Variants in HS6ST3 observed in about 807,000 individuals in gnomAD.
The protein encoded by HS6ST3 is heparan sulfate 6-O-sulfotransferase 3, also known as heparan-sulfate 6-O-sulfotransferase 3.
A neutral mutation model predicts 36.7 loss-of-function variants in HS6ST3; 12 were observed. The ratio of observed to expected loss-of-function variants is 0.33; its 90% confidence interval spans 0.21 to 0.53. HS6ST3 has a LOEUF of 0.53. Ranked by LOEUF, HS6ST3 falls within the 20% of genes least tolerant of loss-of-function variation. The pLI, the probability that HS6ST3 is intolerant of heterozygous loss-of-function variation, is 0.95. For missense variants in HS6ST3, 584 were observed against 640.9 expected (o/e 0.91, Z 0.96); for synonymous variants, 240 against 257.5 (o/e 0.93, Z 0.65).
In HS6ST3 at chr13:96,830,357, A is replaced by G. The variant is rs73562369; in HGVS notation, c.708-2133A>G. On this transcript the variant is annotated intron_variant, in intron 1 of 1. Coordinates refer to ENST00000376705, the MANE Select transcript of HS6ST3 (RefSeq NM_153456.4). ...TCTTTAAGTACAAATGCATGCCCTAACAACATACAGGAATGATACAGGGGA... is the reference window on the plus strand; with the variant it reads ...TCTTTAAGTACAAATGCATGCCCTAGCAACATACAGGAATGATACAGGGGA... 8.9e-3 allele frequency among the ~76,000 whole-genome samples: 1,349 copies of G among 152,302 alleles called. 23 individuals are homozygous for G. Among genetic ancestry groups the G allele is most frequent in the African/African-American group, 0.031 (1,274 of 41,554 alleles).
chr13:96,554,380 T>C (rs1566394966), intron 1 of HS6ST3, among the ~76,000 whole-genome samples: 1 of 152,200 alleles, frequency 6.6e-6, no homozygotes, highest in Non-Finnish European at 1.5e-5. Context: ...CCAATTAAGA[T>C]GAATAAGAGT....
At chr13:96,587,247 A>AT (rs976996796) in intron 1 of HS6ST3, among the ~76,000 whole-genome samples, 7 of 149,400 alleles carry the variant, frequency 4.7e-5, no homozygotes, top group Admixed American at 2.0e-4. Context: ...TTATTTATTT[A>AT]TTTTTTTTGC....
At chr13:96,576,715 G>A (rs1660300536) in intron 1 of HS6ST3, among the ~76,000 whole-genome samples, 1 of 151,984 alleles carries the variant, frequency 6.6e-6, no homozygotes. Flanking sequence ...GCCAAGGCAG[G>A]CAGATCACCT....
intron 1 of HS6ST3, among the ~76,000 whole-genome samples, chr13:96,524,842 C>T (rs1284508702): frequency 5.9e-5 from 9 of 152,224 alleles, no homozygotes; most frequent in Admixed American, 5.9e-4. Context: ...CCTGCTTTGG[C>T]TTGCCCTCTG....
intron 1 of HS6ST3, among the ~76,000 whole-genome samples, chr13:96,198,137 A>G (rs1305099248): frequency 6.6e-6 from 1 of 152,220 alleles, no homozygotes; most frequent in African/African-American, 2.4e-5. Context: ...ACACCCTCTG[A>G]AGCCACAGCC....
At chr13:96,372,835 AT>A (rs2055296371) in intron 1 of HS6ST3, among the ~76,000 whole-genome samples, 1 of 152,070 alleles carries the variant, frequency 6.6e-6, no homozygotes, top group East Asian at 1.9e-4. Flanking sequence ...GTATTTTAAA[AT>A]TTCATTTATT....
chr13:96,713,630 C>T (rs1318566368), intron 1 of HS6ST3, among the ~76,000 whole-genome samples: 2 of 152,062 alleles, frequency 1.3e-5, no homozygotes, highest in African/African-American at 4.8e-5. Flanking sequence ...AATTTTGTGA[C>T]TATTTGTAAA....
At chr13:96,403,637 T>C (rs1457584765) in intron 1 of HS6ST3, among the ~76,000 whole-genome samples, 1 of 152,256 alleles carries the variant, frequency 6.6e-6, no homozygotes, top group Non-Finnish European at 1.5e-5. Context: ...ATGAATTGGT[T>C]ATTTGAAGCA....
At chr13:96,535,481 C>T (rs931005625) in intron 1 of HS6ST3, among the ~76,000 whole-genome samples, 1 of 150,990 alleles carries the variant, frequency 6.6e-6, no homozygotes, top group Non-Finnish European at 1.5e-5. Context: ...TCTCTTGAAC[C>T]CGGGAGATGG....
rs2053755869 is a variant in HS6ST3, at chr13:96,090,598, C to A, written c.-265C>A. ...GGAGCAGGGAGCGGGCCGGCCCGGG[C>A]GCACCCGGGAGCGCAGGGCGCCCCA... On this transcript the variant is annotated 5_prime_UTR_variant, in exon 1 of 2. Transcript: ENST00000376705. Among the ~76,000 whole-genome samples, 1 of 145,824 alleles carries A rather than the reference C, an allele frequency of 6.9e-6. No individual in the cohort carries two copies. The highest frequency in any genetic ancestry group is 6.8e-5 in the Admixed American group (1 of 14,722).
At chr13:96,619,145 T>C (rs878958105) in intron 1 of HS6ST3, among the ~76,000 whole-genome samples, 4 of 152,192 alleles carry the variant, frequency 2.6e-5, no homozygotes, top group Admixed American at 2.6e-4. Context: ...CAGAATATAG[T>C]CTTCTCCATT....
intron 1 of HS6ST3, among the ~76,000 whole-genome samples, chr13:96,179,528 A>T (rs1310848608): frequency 1.3e-5 from 2 of 152,192 alleles, no homozygotes; most frequent in African/African-American, 2.4e-5. Flanking sequence ...TGCTGGGCCC[A>T]CTGTGGGGAA....
chr13:96,606,596 AGGGAGGGAGGGAGGGAGGGAGGG>A (rs2056439686), intron 1 of HS6ST3, among the ~76,000 whole-genome samples: 1 of 18,892 alleles, frequency 5.3e-5, no homozygotes, highest in Non-Finnish European at 8.0e-5. Flanking sequence ...GGAGGGACAG[AGGGAGGGAGGGAGGGAGGGAGGG>A]AGGGAGGGAG....
At chr13:96,353,154 C>T (rs954908830) in intron 1 of HS6ST3, among the ~76,000 whole-genome samples, 1 of 147,854 alleles carries the variant, frequency 6.8e-6, no homozygotes, top group African/African-American at 2.5e-5. Context: ...CCCAGGTTCA[C>T]GTGATTCTCC....
intron 1 of HS6ST3, among the ~76,000 whole-genome samples, chr13:96,292,257 A>G (rs1055147821): frequency 5.9e-5 from 9 of 151,828 alleles, no homozygotes; most frequent in Admixed American, 2.6e-4. Flanking sequence ...GAAGGTTTAT[A>G]TTACTTTAAA....
chr13:96,799,609 C>T (rs1379035072), intron 1 of HS6ST3, among the ~76,000 whole-genome samples: 1 of 138,894 alleles, frequency 7.2e-6, no homozygotes, highest in African/African-American at 2.8e-5. Flanking sequence ...GGAAGGGGAA[C>T]ATCACACACT....
intron 1 of HS6ST3, among the ~76,000 whole-genome samples, chr13:96,486,134 G>A (rs532150007): frequency 1.3e-5 from 2 of 151,034 alleles, no homozygotes; most frequent in East Asian, 2.0e-4. Flanking sequence ...TTGTCCTTTC[G>A]ATAGTTTGCT....
At chr13:96,371,383 T>C in intron 1 of HS6ST3, among the ~76,000 whole-genome samples, 1 of 152,180 alleles carries the variant, frequency 6.6e-6, no homozygotes. Flanking sequence ...GATGTTTTGA[T>C]ATACATGTAC....
At chr13:96,544,192 A>C (rs958262979) in intron 1 of HS6ST3, among the ~76,000 whole-genome samples, 1 of 152,176 alleles carries the variant, frequency 6.6e-6, no homozygotes, top group Admixed American at 6.5e-5. Context: ...TCTCACTGAT[A>C]AACTCAAATC....
Sources: allele counts gnomAD v4.1 joint callset (sites outside exome capture counted in the v4.1 genomes callset), GRCh38; gene constraint gnomAD v4.1.1; transcripts MANE v1.5; gene names NCBI Gene and HGNC (gene_info 2026-07-23, HGNC 2026-07-21).